Variants in HPGD observed in about 807,000 individuals in gnomAD.
The protein encoded by HPGD is 15-hydroxyprostaglandin dehydrogenase, also known as 15-hydroxyprostaglandin dehydrogenase [NAD(+)].
In HPGD, 29 loss-of-function variants were observed where a neutral mutation model predicts 30.0. The ratio of observed to expected loss-of-function variants is 0.97; its 90% CI spans 0.72 to 1.32. HPGD has a LOEUF of 1.32. Ranked by LOEUF, HPGD falls within the 40% of genes most tolerant of loss-of-function variation. The pLI, the probability that HPGD is intolerant of heterozygous loss-of-function variation, is 0.00. For missense variants in HPGD, 340 were observed against 322.1 expected (o/e 1.06, Z -0.43); for synonymous variants, 99 against 112.4 (o/e 0.88, Z 0.75).
Position 174,516,149 on chromosome 4 carries a change from C to A in HPGD, c.324+1822G>T, listed in dbSNP as rs530199767. Reference sequence around the variant, plus strand: ...CAGCAACCCCATTACTGGGTATATACCCAAAGGAACATAAATCATTCTACC... The same window carrying A: ...CAGCAACCCCATTACTGGGTATATAACCAAAGGAACATAAATCATTCTACC... On this transcript the variant is annotated intron_variant, in intron 3 of 6. Coordinates refer to ENST00000296522, the MANE Select transcript of HPGD (RefSeq NM_000860.6). Among the ~76,000 whole-genome samples the A allele has an allele frequency of 1.4e-4, 22 of 152,234 alleles. No homozygotes were observed. The Middle Eastern group carries it at 0.014, about 94-fold the overall frequency.
In HPGD at chr4:174,518,096, A is replaced by AT. The variant is rs1229974236; in HGVS notation, c.218-20dup. ...AAAGTGTCTAATTATAAAACAAGAT[A>AT]TTAGTGATACATTCTTATTTTCCAT... On this transcript the variant is annotated intron_variant, in intron 2 of 6. Transcript: ENST00000296522. 8.9e-7 allele frequency: 1 copy of AT among 1,128,390 alleles called. No homozygotes were observed. The allele number at this position is 1,128,390 out of a possible 1,614,324, so 69.9% of individuals were successfully genotyped here.
At chr4:174,507,552 T>C (rs45471401) in intron 4 of HPGD, 12,587 of 152,184 alleles carry the variant, frequency 0.083, 989 homozygotes, top group African/African-American at 0.21. Context: ...TGGGGTGGGG[T>C]GTGGGGCTGA....
Position 174,495,636 on chromosome 4 carries a change from A to G in HPGD, c.422-12T>C. On this transcript the variant is annotated splice_polypyrimidine_tract_variant and intron_variant, in intron 4 of 6. Transcript: ENST00000296522. ...AACGGGCATGAGTCCTGAAACAGAC[A>G]AATATAACATTTAAATGCTTTGATG... is the stretch of plus-strand genomic sequence containing the variant. 1 of 1,594,162 alleles carries G rather than the reference A, an allele frequency of 6.3e-7. No individual in the cohort carries two copies. The highest frequency in any genetic ancestry group is 8.6e-7 in the Non-Finnish European group (1 of 1,162,032).
chr4:174,511,165 C>T (rs1282253652), intron 3 of HPGD, among the ~76,000 whole-genome samples: 1 of 150,560 alleles, frequency 6.6e-6, no homozygotes, highest in Non-Finnish European at 1.5e-5. Flanking sequence ...TGACTAATCC[C>T]AAAGAAATGT....
intron 2 of HPGD, among the ~76,000 whole-genome samples, chr4:174,518,316 AGAATCT>A (rs1282048260): frequency 1.3e-5 from 2 of 152,234 alleles, no homozygotes; most frequent in African/African-American, 4.8e-5. Context: ...TAACTGAATA[AGAATCT>A]TAACTTTAAC....
chr4:174,517,000 G>A (rs570421269), intron 3 of HPGD, among the ~76,000 whole-genome samples: 4 of 152,228 alleles, frequency 2.6e-5, no homozygotes, highest in African/African-American at 7.2e-5. Flanking sequence ...GTCACTCCCT[G>A]TACCTTTATA....
In HPGD at chr4:174,496,459, T is replaced by C. The variant is rs1290682485; in HGVS notation, c.422-835A>G. On this transcript the variant is annotated intron_variant, in intron 4 of 6. Coordinates refer to ENST00000296522, the MANE Select transcript of HPGD (RefSeq NM_000860.6). The surrounding 1 kb of genome is among the most constrained non-coding windows in gnomAD (Gnocchi z 4.6). Reference sequence around the variant, plus strand: ...CCGAAAAGACACAAAACAACAACAATAAAAACCTATTTTACTCTAGTAACT... The same window carrying C: ...CCGAAAAGACACAAAACAACAACAACAAAAACCTATTTTACTCTAGTAACT... Among the ~76,000 whole-genome samples, 1 of 152,160 alleles carries C rather than the reference T, an allele frequency of 6.6e-6. No individual in the cohort carries two copies. Among genetic ancestry groups the C allele is most frequent in the Non-Finnish European group, 1.5e-5 (1 of 68,030 alleles).
At chr4:174,493,557 A>C (rs1734446066) in intron 5 of HPGD, 1 of 420,966 alleles carries the variant, frequency 2.4e-6, no homozygotes, top group Admixed American at 3.8e-5. Context: ...CAACTCCTGG[A>C]AACAATTATG....
chr4:174,514,907 C>G lies in HPGD; in HGVS notation c.324+3064G>C, dbSNP rs563208807. ...TAAGAGGCAAATCAAGAATGCAATC[C>G]CATTTACAACAACCACAAAAAGAAT... On this transcript the variant is annotated intron_variant, in intron 3 of 6. Coordinates refer to ENST00000296522, the MANE Select transcript of HPGD (RefSeq NM_000860.6). 1.2e-4 allele frequency among the ~76,000 whole-genome samples: 19 copies of G among 152,106 alleles called. No homozygotes were observed. The South Asian group carries it at 3.7e-3, about 30-fold the overall frequency.
At chr4:174,519,362 C>T (rs544480166) in intron 2 of HPGD, among the ~76,000 whole-genome samples, 5 of 152,104 alleles carry the variant, frequency 3.3e-5, no homozygotes, top group East Asian at 1.9e-4. Flanking sequence ...TACAGGCGCC[C>T]ACCACCACGC....
At position 174,522,420 on chromosome 4, in the gene HPGD, G is replaced by C. The variant is rs1341649521; in HGVS notation, c.32C>G (p.Thr11Ser). 6 of 1,583,588 alleles carry C rather than the reference G, an allele frequency of 3.8e-6. No individual in the cohort carries two copies. Among genetic ancestry groups the C allele is most frequent in the Non-Finnish European group, 4.3e-6 (5 of 1,165,692 alleles). ...TCTGCCTATGCCCTGAGCCGCGCCG[G>C]TCACCAGCGCCACTTTGCCGTTCAC... MHVNGKVALV[T>S]GAAQGIGRAF... Residue 11 changes from threonine (T) to serine (S), a missense_variant, in exon 1 of 7, where the codon ACC (threonine) becomes AGC (serine). Coordinates refer to ENST00000296522, the MANE Select transcript of HPGD (RefSeq NM_000860.6).
chr4:174,512,221 A>G (rs1051952611), intron 3 of HPGD, among the ~76,000 whole-genome samples: 4 of 152,230 alleles, frequency 2.6e-5, no homozygotes, highest in East Asian at 1.9e-4. Flanking sequence ...GCAAAATATC[A>G]TATACAGGTA....
chr4:174,493,343 C>A, intron 5 of HPGD, 29 bp from the exon 6 acceptor site: 7 of 1,610,426 alleles, frequency 4.3e-6, no homozygotes, highest in Non-Finnish European at 5.9e-6. Context: ...TAGGTTTCAG[C>A]AGTTTCATAA....
At chr4:174,497,808 C>T (rs956596424) in intron 4 of HPGD, among the ~76,000 whole-genome samples, 6 of 151,670 alleles carry the variant, frequency 4.0e-5, no homozygotes, top group African/African-American at 1.5e-4. Context: ...GATTTCCTGA[C>T]CTCATGATCC....
intron 4 of HPGD, among the ~76,000 whole-genome samples, chr4:174,498,196 C>T (rs1330070291): frequency 1.3e-5 from 2 of 152,144 alleles, no homozygotes; most frequent in African/African-American, 2.4e-5. Flanking sequence ...AATGCACCTG[C>T]CTTGGCCTCC....
chr4:174,495,864 AG>A (rs763867775), intron 4 of HPGD: 1 of 523,378 alleles, frequency 1.9e-6, no homozygotes, highest in Non-Finnish European at 3.4e-6. Context: ...TACAGCCAAG[AG>A]TTATATGTGT....
intron 3 of HPGD, among the ~76,000 whole-genome samples, chr4:174,509,302 A>G (rs1377377183): frequency 2.6e-5 from 4 of 152,044 alleles, no homozygotes; most frequent in Admixed American, 2.6e-4. Context: ...TAAAAGTTCT[A>G]TTTTGCTCCT....
Position 174,491,370 on chromosome 4 carries a change from T to A in HPGD, c.*586A>T, listed in dbSNP as rs959103926. On this transcript the variant is annotated 3_prime_UTR_variant, in exon 7 of 7. Transcript: ENST00000296522. ...TGTCAATCAGTTACTTTCTGTCATT[T>A]TTCCATACAGCAGTTTTCATCTGGG... 1 of 152,916 alleles carries A rather than the reference T, an allele frequency of 6.5e-6. No individual in the cohort carries two copies. Among genetic ancestry groups the A allele is most frequent in the Non-Finnish European group, 1.5e-5 (1 of 68,142 alleles). 9.5% of individuals were successfully genotyped at this position (152,916 alleles called of 1,614,324 possible).
chr4:174,506,162 C>CA, intron 4 of HPGD, among the ~76,000 whole-genome samples: 1 of 152,256 alleles, frequency 6.6e-6, no homozygotes, highest in Admixed American at 6.5e-5. Flanking sequence ...AAGTGGACAT[C>CA]AAATTGCAAG....
Sources: allele counts gnomAD v4.1 joint callset (sites outside exome capture counted in the v4.1 genomes callset), GRCh38; gene constraint gnomAD v4.1.1; non-coding constraint Gnocchi (gnomAD v3.1); transcripts MANE v1.5; gene names NCBI Gene and HGNC (gene_info 2026-07-23, HGNC 2026-07-21).